The following ERBB4 variants were observed in gnomAD, a reference collection of about 807,000 sequenced individuals.
The protein encoded by ERBB4 is erb-b2 receptor tyrosine kinase 4, also known as receptor tyrosine-protein kinase erbB-4.
In ERBB4, 42 loss-of-function variants were observed where a neutral mutation model predicts 158.0. That is an observed-to-expected ratio of 0.27 (90% confidence interval 0.21 to 0.34). ERBB4 has a LOEUF of 0.34. Ranked by LOEUF, ERBB4 falls within the 10% of genes least tolerant of loss-of-function variation. The pLI is 1.00. For synonymous variants in ERBB4, 583 were observed against 558.7 expected (o/e 1.04, Z -0.61); for missense variants, 1,333 against 1,624.1 (o/e 0.82, Z 3.08).
chr2:212,253,521 G>A (rs918080669), intron 1 of ERBB4, among the ~76,000 whole-genome samples: 1 of 151,936 alleles, frequency 6.6e-6, no homozygotes, highest in South Asian at 2.1e-4. Flanking sequence ...AATCACTTAA[G>A]ATCTTGTTAA....
chr2:212,130,517 G>C (rs1425508421), intron 1 of ERBB4, among the ~76,000 whole-genome samples: 1 of 151,998 alleles, frequency 6.6e-6, no homozygotes, highest in Non-Finnish European at 1.5e-5. Context: ...TATATTAAAA[G>C]TAAAATAATG....
chr2:211,763,553 AG>A (rs1158401393), intron 4 of ERBB4, among the ~76,000 whole-genome samples: 1 of 152,144 alleles, frequency 6.6e-6, no homozygotes, highest in Non-Finnish European at 1.5e-5. Context: ...TTCAACCCTG[AG>A]TACATTTTGA....
intron 1 of ERBB4, among the ~76,000 whole-genome samples, chr2:212,520,732 C>T (rs1202827507): frequency 2.0e-5 from 3 of 151,914 alleles, no homozygotes; most frequent in African/African-American, 7.2e-5. Context: ...AATTCTAACC[C>T]ACGGACTGTA....
At chr2:212,141,620 CT>C (rs2080481107) in intron 1 of ERBB4, among the ~76,000 whole-genome samples, 1 of 151,974 alleles carries the variant, frequency 6.6e-6, no homozygotes, top group African/African-American at 2.4e-5. Flanking sequence ...AATGGCACCC[CT>C]TTCACTAACT....
chr2:211,522,866 C>G (rs1200907243), intron 20 of ERBB4, among the ~76,000 whole-genome samples: 3 of 151,854 alleles, frequency 2.0e-5, no homozygotes, highest in Non-Finnish European at 4.4e-5. Context: ...AACTTTTGTA[C>G]TGGGAAACCA....
chr2:211,908,012 T>C (rs2079443996), intron 3 of ERBB4, among the ~76,000 whole-genome samples: 1 of 151,612 alleles, frequency 6.6e-6, no homozygotes. Context: ...CATGTATCTT[T>C]GTTTCTAAGA....
intron 16 of ERBB4, among the ~76,000 whole-genome samples, chr2:211,642,005 A>G (rs989075353): frequency 1.3e-5 from 2 of 152,096 alleles, no homozygotes; most frequent in Non-Finnish European, 2.9e-5. Flanking sequence ...AAAGTGAATG[A>G]AATAGTTAAG....
At chr2:212,144,021 A>G (rs1201756130) in intron 1 of ERBB4, among the ~76,000 whole-genome samples, 1 of 151,518 alleles carries the variant, frequency 6.6e-6, no homozygotes, top group Non-Finnish European at 1.5e-5. Flanking sequence ...TTCATCTCAA[A>G]AAAAAAAAAA....
At chr2:211,778,936 TG>T (rs2075966571) in intron 4 of ERBB4, 1 of 152,190 alleles carries the variant, frequency 6.6e-6, no homozygotes, top group Admixed American at 6.5e-5. Context: ...ACCCTGCTGG[TG>T]GGGGTGACCT....
At chr2:212,356,590 T>C (rs1396519410) in intron 1 of ERBB4, among the ~76,000 whole-genome samples, 1 of 152,004 alleles carries the variant, frequency 6.6e-6, no homozygotes, top group Non-Finnish European at 1.5e-5. Context: ...AGGTTTTTTT[T>C]GTTATTTTAC....
chr2:212,211,008 C>A (rs2082916487), intron 1 of ERBB4, among the ~76,000 whole-genome samples: 1 of 152,090 alleles, frequency 6.6e-6, no homozygotes, highest in African/African-American at 2.4e-5. Flanking sequence ...TCCTTGTATA[C>A]ATAACTGGCA....
chr2:211,518,118 A>G (rs990536203), intron 20 of ERBB4, among the ~76,000 whole-genome samples: 1 of 152,062 alleles, frequency 6.6e-6, no homozygotes, highest in Non-Finnish European at 1.5e-5. Flanking sequence ...ATAGTATTAA[A>G]TATGGACTAA....
At chr2:212,411,558 T>C (rs970663565) in intron 1 of ERBB4, among the ~76,000 whole-genome samples, 1 of 152,264 alleles carries the variant, frequency 6.6e-6, no homozygotes, top group East Asian at 1.9e-4. Flanking sequence ...CTCCCTCAGC[T>C]TGCCAATGCC....
At chr2:212,055,761 AC>A (rs1410932900) in intron 2 of ERBB4, among the ~76,000 whole-genome samples, 4 of 152,220 alleles carry the variant, frequency 2.6e-5, no homozygotes, top group Admixed American at 2.0e-4. Context: ...GGACATCCAC[AC>A]CAAAACCCCA....
intron 3 of ERBB4, among the ~76,000 whole-genome samples, chr2:211,885,458 T>G (rs2078774529): frequency 6.6e-6 from 1 of 152,042 alleles, no homozygotes. Context: ...TGCTATAATT[T>G]TTTTTTTTCT....
chr2:212,192,171 T>C (rs1218599630), intron 1 of ERBB4, among the ~76,000 whole-genome samples: 1 of 146,284 alleles, frequency 6.8e-6, no homozygotes, highest in Non-Finnish European at 1.5e-5. Context: ...ATATGTGTTA[T>C]ATATTATATA....
At chr2:211,889,237 G>A (rs1344076298) in intron 3 of ERBB4, among the ~76,000 whole-genome samples, 1 of 144,788 alleles carries the variant, frequency 6.9e-6, no homozygotes, top group Non-Finnish European at 1.5e-5. Context: ...GTGGGTCCCT[G>A]ACCCCTGACC....
intron 1 of ERBB4, among the ~76,000 whole-genome samples, chr2:212,535,535 T>C (rs1211420548): frequency 2.0e-5 from 3 of 152,192 alleles, no homozygotes; most frequent in Non-Finnish European, 4.4e-5. Context: ...GTTCATCGTT[T>C]ATCTACTAAG....
intron 1 of ERBB4, among the ~76,000 whole-genome samples, chr2:212,191,151 A>T (rs1304254092): frequency 6.6e-6 from 1 of 152,154 alleles, no homozygotes; most frequent in African/African-American, 2.4e-5. Context: ...AGTGATTCTC[A>T]AATTTTACAC....
Sources: gnomAD v4.1 joint callset for allele counts (sites outside exome capture counted in the v4.1 genomes callset) on GRCh38, gnomAD v4.1.1 for gene constraint, MANE v1.5 for transcripts, NCBI Gene and HGNC (gene_info 2026-07-23, HGNC 2026-07-21) for gene names.